GDAP2: variants seen among roughly 807,000 people sequenced by gnomAD.
GDAP2 encodes the protein ganglioside-induced differentiation-associated protein 2.
GDAP2 carries 51 observed loss-of-function variants against 67.0 expected under a neutral mutation model. That is an observed-to-expected ratio of 0.76 (90% CI 0.61 to 0.96). The LOEUF is 0.96. GDAP2 is among the 40% of genes least tolerant of loss of function. The pLI, the probability that GDAP2 is intolerant of heterozygous loss-of-function variation, is 0.00. For synonymous variants in GDAP2, 203 were observed against 207.3 expected, an observed-to-expected ratio of 0.98 and a Z score of 0.18; for missense variants, 547 against 588.3, an observed-to-expected ratio of 0.93 and a Z score of 0.73.
intron 1 of GDAP2, among the ~76,000 whole-genome samples, chr1:117,920,853 G>A (rs534993290): frequency 6.6e-6 from 1 of 152,252 alleles, no homozygotes; most frequent in African/African-American, 2.4e-5. Flanking sequence ...TGAAAAGCTG[G>A]GAGGTTACTG....
chr1:117,902,740 C>T (rs1649522858), intron 6 of GDAP2, among the ~76,000 whole-genome samples: 1 of 152,026 alleles, frequency 6.6e-6, no homozygotes, highest in Non-Finnish European at 1.5e-5. Flanking sequence ...TTTGATTATT[C>T]TGGGTCTCTT....
chr1:117,897,725 T>C (rs992542258), intron 7 of GDAP2, among the ~76,000 whole-genome samples: 6 of 152,202 alleles, frequency 3.9e-5, no homozygotes, highest in Non-Finnish European at 7.3e-5. Context: ...CGTCGTACCA[T>C]GGGGAAATTC....
chr1:117,906,093 A>G (rs564190934), intron 6 of GDAP2, among the ~76,000 whole-genome samples: 2 of 152,338 alleles, frequency 1.3e-5, no homozygotes, highest in African/African-American at 4.8e-5. Flanking sequence ...TACATATAAC[A>G]AAACACATAA....
chr1:117,872,458 A>G (rs967438399), intron 13 of GDAP2, among the ~76,000 whole-genome samples: 2 of 152,226 alleles, frequency 1.3e-5, no homozygotes, highest in Admixed American at 1.3e-4. Context: ...CATCAATGAT[A>G]GACTAGATAA....
chr1:117,882,211 CA>C (rs1284179076), intron 11 of GDAP2, among the ~76,000 whole-genome samples: 2 of 152,046 alleles, frequency 1.3e-5, no homozygotes, highest in Non-Finnish European at 2.9e-5. Context: ...AGTTAAACAG[CA>C]GCTAAACCAC....
chr1:117,916,000 C>T (rs893626116), intron 3 of GDAP2, among the ~76,000 whole-genome samples: 2 of 152,036 alleles, frequency 1.3e-5, no homozygotes, highest in African/African-American at 4.8e-5. Flanking sequence ...ATGTGGTTTC[C>T]ACCATGTTAG....
intron 10 of GDAP2, among the ~76,000 whole-genome samples, chr1:117,885,557 A>G (rs908257325): frequency 9.9e-5 from 15 of 152,186 alleles, no homozygotes; most frequent in Non-Finnish European, 1.6e-4. Context: ...TGAATGTACC[A>G]TAATTATCTG....
At chr1:117,914,964 T>TA (rs957720155) in intron 3 of GDAP2, among the ~76,000 whole-genome samples, 3 of 148,634 alleles carry the variant, frequency 2.0e-5, no homozygotes, top group Non-Finnish European at 3.0e-5. Flanking sequence ...AGGATGATGT[T>TA]AAAAAAAAAA....
chr1:117,910,324 C>G (rs1649809189), intron 5 of GDAP2, among the ~76,000 whole-genome samples: 1 of 152,074 alleles, frequency 6.6e-6, no homozygotes, highest in Admixed American at 6.5e-5. Context: ...GTGGAATTTA[C>G]TTGTCCCTTT....
chr1:117,896,868 T>C lies in GDAP2; in HGVS notation c.918A>G (p.Leu306=), dbSNP rs1186948333. The C allele has an allele frequency of 2.5e-6, 4 of 1,613,330 alleles. No individual in the cohort carries two copies. Among genetic ancestry groups the C allele is most frequent in the Non-Finnish European group, 3.4e-6 (4 of 1,179,546 alleles). Residue 306 remains leucine (L), a synonymous_variant, in exon 8 of 14, where the codon TTA becomes TTG. Coordinates refer to ENST00000369443, the MANE Select transcript of GDAP2 (RefSeq NM_017686.4). ...GCTGCTTCTGCAGAGCTGCCTCTGA[T>C]AATTGTCCCTGAAGGATCAGTTTTC... ...KQRKLILQGQ[L]SEAALQKQHQ...
intron 8 of GDAP2, among the ~76,000 whole-genome samples, chr1:117,892,628 AC>A (rs1649124729): frequency 6.6e-6 from 1 of 152,158 alleles, no homozygotes; most frequent in African/African-American, 2.4e-5. Context: ...AAAAATAGCC[AC>A]TACAGTGCTC....
At chr1:117,905,754 G>A (rs573186462) in intron 6 of GDAP2, among the ~76,000 whole-genome samples, 42 of 152,126 alleles carry the variant, frequency 2.8e-4, no homozygotes, top group African/African-American at 9.9e-4. Flanking sequence ...CAGATGAAAC[G>A]AGATAAAGTA....
chr1:117,901,283 T>C (rs1281566068), intron 6 of GDAP2, among the ~76,000 whole-genome samples: 1 of 152,198 alleles, frequency 6.6e-6, no homozygotes, highest in Non-Finnish European at 1.5e-5. Flanking sequence ...ACATTTCAGT[T>C]GTTTCTACTT....
intron 7 of GDAP2, among the ~76,000 whole-genome samples, chr1:117,897,463 G>A (rs548403775): frequency 6.6e-5 from 10 of 152,312 alleles, no homozygotes; most frequent in Non-Finnish European, 1.3e-4. Flanking sequence ...CACAGAGTAT[G>A]ATCCACATTC....
chr1:117,881,907 T>C (rs1227485687), intron 11 of GDAP2, 30 bp from the exon 12 acceptor site: 1 of 1,289,364 alleles, frequency 7.8e-7, no homozygotes, highest in Non-Finnish European at 1.1e-6. Context: ...ACAAAAAAAA[T>C]CAGTATAAGT....
intron 5 of GDAP2, among the ~76,000 whole-genome samples, chr1:117,909,928 A>G (rs1166331664): frequency 2.0e-5 from 3 of 152,192 alleles, no homozygotes; most frequent in East Asian, 3.8e-4. Flanking sequence ...TCTTTAAAAT[A>G]GAATCCTTAT....
rs1322153379 is a variant in GDAP2 at position 117,912,046 on chromosome 1, G to A, written c.507C>T (p.Ile169=). ...AAGGATAACCACGTTTTGCAGAATTGATGACACAGAAGCCAACAGAAGACA... is the reference window on the plus strand; with the variant it reads ...AAGGATAACCACGTTTTGCAGAATTAATGACACAGAAGCCAACAGAAGACA... ...QSMSSVGFCV[I]NSAKRGYPLE... The change falls in exon 5 of 14, where the codon ATC becomes ATT. Residue 169 remains isoleucine, a synonymous_variant. Transcript: ENST00000369443. The A allele has an allele frequency of 2.5e-6, 4 of 1,610,752 alleles. No individual in the cohort carries two copies. The African/African-American group carries it at 5.3e-5, about 22-fold the overall frequency.
At chr1:117,916,944 G>A (rs1650065208) in intron 3 of GDAP2, among the ~76,000 whole-genome samples, 1 of 151,450 alleles carries the variant, frequency 6.6e-6, no homozygotes, top group African/African-American at 2.4e-5. Context: ...TGAGGCAGAA[G>A]AATCACTTGA....
intron 9 of GDAP2, among the ~76,000 whole-genome samples, chr1:117,886,898 G>C (rs1249130777): frequency 1.3e-5 from 2 of 151,954 alleles, no homozygotes; most frequent in Non-Finnish European, 2.9e-5. Context: ...TTTAAATCAA[G>C]AACAAACAGC....
Sources: allele counts gnomAD v4.1 joint callset (sites outside exome capture counted in the v4.1 genomes callset), GRCh38; gene constraint gnomAD v4.1.1; transcripts MANE v1.5; gene names NCBI Gene and HGNC (gene_info 2026-07-23, HGNC 2026-07-21).